Variants in MAST3 observed in about 807,000 individuals in gnomAD.
MAST3 encodes microtubule associated serine/threonine kinase 3.
A neutral mutation model predicts 127.0 loss-of-function variants in MAST3; 43 were observed. That is an observed-to-expected ratio of 0.34 (90% CI 0.27 to 0.44). MAST3 has a LOEUF of 0.44. Among genes scored for constraint, MAST3 ranks in the 20% least tolerant of loss-of-function variants. MAST3 has a pLI of 1.00. For missense variants in MAST3, 1,390 were observed against 1,919.1 expected (o/e 0.72, Z 5.15); for synonymous variants, 785 against 809.2 (o/e 0.97, Z 0.51).
At position 18,144,496 on chromosome 19, in the gene MAST3, T is replaced by C; in HGVS notation, c.2615T>C (p.Leu872Pro). 1 of 1,598,372 alleles carries C rather than the reference T, an allele frequency of 6.3e-7. No individual in the cohort carries two copies. Residue 872 changes from leucine (L) to proline (P), a missense_variant, in exon 23 of 28, where the codon CTA (leucine) becomes CCA (proline). By Grantham distance (98) the Leu-to-Pro change is moderately conservative (BLOSUM62 -3). This residue lies in a region of MAST3 where 816 missense variants were observed against 934.1 expected (regional missense o/e 0.87). Transcript: ENST00000687212. This position sits in a 1 kb window ranked among gnomAD's most constrained non-coding sequence, Gnocchi z 4.0. ...ACAGCTGCTCTCAGCCACGCCCGCC[T>C]ACGGAGCAATAGCATCGGCGCCCGA... ...ADTAALSHAR[L>P]RSNSIGARHS...
intron 21 of MAST3, among the ~76,000 whole-genome samples, chr19:18,142,489 C>T (rs2042602407): frequency 6.6e-6 from 1 of 151,334 alleles, no homozygotes; most frequent in Non-Finnish European, 1.5e-5. Flanking sequence ...GTAGCTGGGA[C>T]TACAGGCACC....
rs555819080 is a variant in MAST3, at chr19:18,107,675, A to G, written c.71+57A>G. ...GGCCCCAGTGGTCTTGGAAGTGGAT[A>G]TTTCAGCAACAGCCACTGAATTGTG... On this transcript the variant is annotated intron_variant, in intron 2 of 27. Coordinates refer to ENST00000687212, the MANE Select transcript of MAST3 (RefSeq NM_001393504.1). The G allele has an allele frequency of 2.7e-6, 4 of 1,501,730 alleles. No homozygotes were observed. In the East Asian group the frequency reaches 6.9e-5, roughly 26 times the overall value. The allele number at this position is 1,501,730 out of a possible 1,614,324, so 93.0% of individuals were successfully genotyped here.
Position 18,124,746 on chromosome 19 carries a change from G to A in MAST3, c.1050G>A (p.Gln350=). ...KTDLPQYIIG[Q]LGLAKDPLEE... ...ACCTTCCACAGTACATCATTGGGCA[G>A]CTGGGCCTGGCCAAGGACCCCCTGG... The change falls in exon 11 of 28, where the codon CAG becomes CAA. Residue 350 remains glutamine (Q), a synonymous_variant. Transcript: ENST00000687212. 6.2e-7 allele frequency: 1 copy of A among 1,603,350 alleles called. No homozygotes were observed. The highest frequency in any genetic ancestry group is 8.5e-7 in the Non-Finnish European group (1 of 1,174,124).
At position 18,149,310 on chromosome 19, in the gene MAST3, C is replaced by A; in HGVS notation, c.3628C>A (p.Arg1210Ser). Residue 1210 changes from arginine (R) to serine (S), a missense_variant, in exon 28 of 28, where the codon CGC (arginine) becomes AGC (serine). Coordinates refer to ENST00000687212, the MANE Select transcript of MAST3 (RefSeq NM_001393504.1). This position sits in a 1 kb window ranked among gnomAD's most constrained non-coding sequence, Gnocchi z 5.9. ...CCTGGCTGCCAAGCTTGGGCCACCC[C>A]GCCCCAAGACTGGCCGCCGCAAGTC... The part of the protein sequence containing the change: ...HGLAAKLGPP[R>S]PKTGRRKSTS... 6.5e-7 allele frequency: 1 copy of A among 1,529,586 alleles called. No homozygotes were observed. Among genetic ancestry groups the A allele is most frequent in the Non-Finnish European group, 8.8e-7 (1 of 1,139,924 alleles). 94.8% of individuals were successfully genotyped at this position (1,529,586 alleles called of 1,614,324 possible).
intron 3 of MAST3, among the ~76,000 whole-genome samples, chr19:18,117,548 A>G (rs1007746005): frequency 9.2e-5 from 14 of 152,300 alleles, no homozygotes; most frequent in African/African-American, 2.4e-4. Flanking sequence ...CCGGACAGAC[A>G]GGAAAGCGGG....
intron 8 of MAST3, 141 bp from the exon 9 acceptor site, chr19:18,123,798 G>T: frequency 9.3e-7 from 1 of 1,070,964 alleles, no homozygotes. Flanking sequence ...GAAAGATGTC[G>T]TTCCTCCTGC....
chr19:18,143,980 G>A lies in MAST3; in HGVS notation c.2557G>A (p.Val853Met). Residue 853 changes from valine (V) to methionine (M), a missense_variant, in exon 22 of 28, where the codon GTG (valine) becomes ATG (methionine). Physicochemically the swap from Val to Met is conservative, Grantham distance 21. Coordinates refer to ENST00000687212, the MANE Select transcript of MAST3 (RefSeq NM_001393504.1). ...EPDPPPAATP[V>M]MPKPSSLSAD... ...TGACCCCCCACCAGCGGCCACCCCA[G>A]TGATGCCCAAGCCCTCGAGCCTTTC... is the stretch of plus-strand genomic sequence containing the variant. 1 of 1,584,448 alleles carries A rather than the reference G, an allele frequency of 6.3e-7. No individual in the cohort carries two copies. The highest frequency in any genetic ancestry group is 8.6e-7 in the Non-Finnish European group (1 of 1,165,352).
At chr19:18,099,840 C>G (rs1463934251) in intron 1 of MAST3, among the ~76,000 whole-genome samples, 3 of 152,170 alleles carry the variant, frequency 2.0e-5, no homozygotes, top group African/African-American at 7.2e-5. Flanking sequence ...GGCTGATGGC[C>G]AGGACTTAAT....
At chr19:18,133,505 G>C (rs1020009950) in intron 15 of MAST3, among the ~76,000 whole-genome samples, 3 of 150,586 alleles carry the variant, frequency 2.0e-5, no homozygotes, top group African/African-American at 7.3e-5. Context: ...TCAGCTTCCC[G>C]AGTAGCTGGG....
rs546260920 is a variant in MAST3, at chr19:18,132,125, G to A, written c.1571+78G>A. The stretch of plus-strand genomic sequence containing the variant: ...TCAGGGGCGGGGCCAAAGAGGATCA[G>A]GGCAGAGCCTCTGAGGTGCATCCCG... On this transcript the variant is annotated intron_variant, in intron 15 of 27. Coordinates refer to ENST00000687212, the MANE Select transcript of MAST3 (RefSeq NM_001393504.1). 2.7e-5 allele frequency: 43 copies of A among 1,571,636 alleles called. No individual in the cohort carries two copies. In the East Asian group the frequency reaches 9.2e-4, roughly 34 times the overall value.
intron 11 of MAST3, among the ~76,000 whole-genome samples, chr19:18,126,608 T>C (rs74722959): frequency 0.01 from 1,572 of 152,168 alleles, 15 homozygotes; most frequent in Non-Finnish European, 0.017. Context: ...CTCGTCTCTA[T>C]TAAAAAAACA....
chr19:18,127,566 C>T (rs933099617), intron 11 of MAST3, among the ~76,000 whole-genome samples: 1 of 152,196 alleles, frequency 6.6e-6, no homozygotes, highest in African/African-American at 2.4e-5. Context: ...CGCCTGTAAT[C>T]CCAGCCACTC....
At chr19:18,127,094 T>C (rs1346686141) in intron 11 of MAST3, among the ~76,000 whole-genome samples, 3 of 151,834 alleles carry the variant, frequency 2.0e-5, no homozygotes, top group Admixed American at 2.0e-4. Context: ...AAAAGTATTT[T>C]TAAAAATTAG....
rs928968769 is a variant in MAST3 at position 18,141,308 on chromosome 19, T to C, written c.2206-574T>C. Among the ~76,000 whole-genome samples, 11 of 150,748 alleles carry C rather than the reference T, an allele frequency of 7.3e-5. No individual in the cohort carries two copies. In the Admixed American group the frequency reaches 7.3e-4, roughly 10 times the overall value. On this transcript the variant is annotated intron_variant, in intron 20 of 27. Coordinates refer to ENST00000687212, the MANE Select transcript of MAST3 (RefSeq NM_001393504.1). The stretch of plus-strand genomic sequence containing the variant: ...TATGCTCTTTTAGGGATGTGGGGAG[T>C]GAGGATTTAGAGAAGTGACTCATAC...
intron 3 of MAST3, chr19:18,118,282 C>T (rs1599720993): frequency 2.0e-6 from 2 of 983,602 alleles, no homozygotes; most frequent in African/African-American, 3.5e-5. Flanking sequence ...GGCGAAGGCT[C>T]GGCGGCCAGC....
chr19:18,144,842 C>T lies in MAST3; in HGVS notation c.2812+149C>T, dbSNP rs1054388402. Reference sequence around the variant, plus strand: ...CATGGAGAGCTGGGGAGATGGTGTTCCCAGTAGAGGGCACTGCACGTGCAA... The same window carrying T: ...CATGGAGAGCTGGGGAGATGGTGTTTCCAGTAGAGGGCACTGCACGTGCAA... On this transcript the variant is annotated intron_variant, in intron 23 of 27. Transcript: ENST00000687212. The surrounding 1 kb of genome is among the most constrained non-coding windows in gnomAD (Gnocchi z 4.0). 2.0e-6 allele frequency: 2 copies of T among 991,020 alleles called. No individual in the cohort carries two copies. The highest frequency in any genetic ancestry group is 3.1e-6 in the Non-Finnish European group (2 of 649,448). 61.4% of individuals were successfully genotyped at this position (991,020 alleles called of 1,614,324 possible). A position where few individuals can be genotyped will look rare whatever the true frequency, so the allele number is the denominator to read the frequency against.
In MAST3 at chr19:18,123,347, G is replaced by C; in HGVS notation, c.530G>C (p.Arg177Pro). Residue 177 changes from arginine (R) to proline (P), a missense_variant, in exon 7 of 28, where the codon CGC (arginine) becomes CCC (proline). By Grantham distance (103) the Arg-to-Pro change is moderately radical. Around this residue, in one of 5 missense-constraint regions of MAST3, gnomAD observed 277 missense variants for 384.8 expected, o/e 0.72. Coordinates refer to ENST00000687212, the MANE Select transcript of MAST3 (RefSeq NM_001393504.1). ...GATGAGGAAGGCGGCCGGTCACCCC[G>C]CCTCCGACCCCGCTCTCGCAGTCTC... ...VLDEEGGRSP[R>P]LRPRSRSLSP... is the part of the protein sequence containing the mutation. The C allele has an allele frequency of 6.2e-7, 1 of 1,612,904 alleles. No individual in the cohort carries two copies. Among genetic ancestry groups the C allele is most frequent in the Non-Finnish European group, 8.5e-7 (1 of 1,179,766 alleles).
chr19:18,139,716 C>G (rs1276400553), intron 20 of MAST3, among the ~76,000 whole-genome samples: 1 of 152,206 alleles, frequency 6.6e-6, no homozygotes, highest in Admixed American at 6.5e-5. Context: ...CCGCCTCGGC[C>G]TCCTAAAGCG....
intron 16 of MAST3, 50 bp downstream of exon 16, chr19:18,134,761 T>C (rs1465284562): frequency 1.9e-6 from 3 of 1,613,342 alleles, no homozygotes; most frequent in Non-Finnish European, 2.5e-6. Context: ...TCCTCTCTCC[T>C]GGGACCTCTC....
Sources: allele counts gnomAD v4.1 joint callset (sites outside exome capture counted in the v4.1 genomes callset), GRCh38; gene constraint gnomAD v4.1.1; regional missense constraint gnomAD v4.1.1; non-coding constraint Gnocchi (gnomAD v3.1); transcripts MANE v1.5; gene names NCBI Gene and HGNC (gene_info 2026-07-23, HGNC 2026-07-21).